The following IFT56 variants were observed in gnomAD, a reference collection of about 807,000 sequenced individuals.
IFT56 encodes the protein intraflagellar transport 56, also known as intraflagellar transport protein 56.
chr7:139,156,419 G>A, the IFT56 span, among the ~76,000 whole-genome samples: 3 of 150,590 alleles, frequency 2.0e-5, no homozygotes, highest in Non-Finnish European at 4.4e-5. Flanking sequence ...TTATTAATTT[G>A]TGGTCTTTCT....
chr7:139,160,473 A>C, the IFT56 span, among the ~76,000 whole-genome samples: 9 of 147,444 alleles, frequency 6.1e-5, no homozygotes, highest in African/African-American at 2.3e-4. Flanking sequence ...CTCTGTCGCC[A>C]GGCTGGAATG....
chr7:139,158,080 G>GA, the IFT56 span, among the ~76,000 whole-genome samples: 1 of 152,048 alleles, frequency 6.6e-6, no homozygotes, highest in Non-Finnish European at 1.5e-5. Context: ...TTGGGAAGCA[G>GA]AGGCAGGCAG....
chr7:139,148,310 A>G, the IFT56 span: 7 of 1,614,108 alleles, frequency 4.3e-6, no homozygotes, highest in South Asian at 7.7e-5. Flanking sequence ...CAAATTCCTG[A>G]TAGTACCATC....
chr7:139,169,482 AAGAG>A, the IFT56 span: 1 of 749,524 alleles, frequency 1.3e-6, no homozygotes, highest in South Asian at 1.8e-5. Flanking sequence ...GGTCAGAAAT[AAGAG>A]AGAATATTGG....
chr7:139,147,672 G>C, the IFT56 span, among the ~76,000 whole-genome samples: 1 of 152,170 alleles, frequency 6.6e-6, no homozygotes, highest in Non-Finnish European at 1.5e-5. Flanking sequence ...TATTACCCCA[G>C]TTGAAATGTA....
At chr7:139,190,628 C>T in the IFT56 span, 1 of 152,112 alleles carries the variant, frequency 6.6e-6, no homozygotes, top group East Asian at 1.9e-4. Context: ...AAACATGAAT[C>T]GTATAAAGTC....
chr7:139,143,897 T>C, the IFT56 span, among the ~76,000 whole-genome samples: 4 of 152,116 alleles, frequency 2.6e-5, no homozygotes, highest in Non-Finnish European at 4.4e-5. Context: ...TATTAAAAAG[T>C]TTGATATTGA....
the IFT56 span, among the ~76,000 whole-genome samples, chr7:139,175,301 A>T: frequency 6.6e-6 from 1 of 152,210 alleles, no homozygotes; most frequent in Non-Finnish European, 1.5e-5. Context: ...CCTACTATGG[A>T]TAACAGTTTG....
chr7:139,178,356 C>CA, the IFT56 span: 1 of 1,521,266 alleles, frequency 6.6e-7, no homozygotes, highest in Non-Finnish European at 9.1e-7. Context: ...TGGAATGTGT[C>CA]AGAGAAGATA....
the IFT56 span, among the ~76,000 whole-genome samples, chr7:139,167,945 A>G: frequency 3.9e-5 from 6 of 152,120 alleles, no homozygotes; most frequent in East Asian, 1.2e-3. Context: ...GGTCTCAAAA[A>G]AAAAAAAAAA....
chr7:139,141,531 T>G, the IFT56 span, among the ~76,000 whole-genome samples: 4 of 152,224 alleles, frequency 2.6e-5, no homozygotes, highest in East Asian at 7.7e-4. Context: ...TATCTCATAT[T>G]TGTAGGCTTT....
At chr7:139,183,852 T>C in the IFT56 span, among the ~76,000 whole-genome samples, 2 of 152,238 alleles carry the variant, frequency 1.3e-5, no homozygotes, top group Non-Finnish European at 2.9e-5. Flanking sequence ...ATAGCAGCTT[T>C]ATTTGTAATA....
chr7:139,178,200 C>A, the IFT56 span: 1 of 1,597,898 alleles, frequency 6.3e-7, no homozygotes. Flanking sequence ...GGGTTTTTTT[C>A]CCCTCCGTTT....
the IFT56 span, among the ~76,000 whole-genome samples, chr7:139,174,425 G>C: frequency 6.6e-6 from 1 of 152,148 alleles, no homozygotes; most frequent in South Asian, 2.1e-4. Context: ...CAAAGCACGC[G>C]TGAGGTTCCC....
the IFT56 span, among the ~76,000 whole-genome samples, chr7:139,149,384 A>G: frequency 2.2e-4 from 34 of 151,280 alleles, no homozygotes; most frequent in African/African-American, 8.0e-4. Flanking sequence ...CCTATCAGCT[A>G]TACATCCTAG....
the IFT56 span, chr7:139,178,340 A>G: frequency 7.8e-6 from 12 of 1,547,570 alleles, no homozygotes; most frequent in African/African-American, 1.6e-4. Flanking sequence ...TATATACAAA[A>G]TACTATGGAA....
chr7:139,159,542 C>A, the IFT56 span, among the ~76,000 whole-genome samples: 1 of 152,170 alleles, frequency 6.6e-6, no homozygotes, highest in South Asian at 2.1e-4. Flanking sequence ...GGGTCTTTCA[C>A]TAGACTTCCC....
At chr7:139,169,366 C>T in the IFT56 span, 2 of 1,612,340 alleles carry the variant, frequency 1.2e-6, no homozygotes, top group East Asian at 4.5e-5. Context: ...TGTCTGAAAT[C>T]TGTACTTATG....
the IFT56 span, among the ~76,000 whole-genome samples, chr7:139,185,552 C>A: frequency 1.3e-5 from 2 of 151,890 alleles, no homozygotes; most frequent in Non-Finnish European, 2.9e-5. Flanking sequence ...TTACAGTATT[C>A]GTTCATATAA....
Sources: gnomAD v4.1 joint callset for allele counts (sites outside exome capture counted in the v4.1 genomes callset) on GRCh38, gnomAD v4.1.1 for gene constraint, MANE v1.5 for transcripts, NCBI Gene and HGNC (gene_info 2026-07-23, HGNC 2026-07-21) for gene names.